The following IFNGR2 variants were observed in gnomAD, a reference collection of about 807,000 sequenced individuals.
The protein encoded by IFNGR2 is IFN-gamma receptor 2.
Under a neutral mutation model 41.1 loss-of-function variants are expected in IFNGR2, and 15 were observed. The observed-to-expected ratio is 0.37, with a 90% CI of 0.24 to 0.56. The LOEUF (loss-of-function observed/expected upper bound fraction) is 0.56. Among genes scored for constraint, IFNGR2 ranks in the 20% least tolerant of loss-of-function variants. IFNGR2 has a pLI of 0.81. For missense variants in IFNGR2, 362 were observed against 415.7 expected, an observed-to-expected ratio of 0.87 and a Z score of 1.12; for synonymous variants, 161 against 171.6, an observed-to-expected ratio of 0.94 and a Z score of 0.48.
intron 1 of IFNGR2, among the ~76,000 whole-genome samples, chr21:33,403,980 G>A (rs2083659822): frequency 6.6e-6 from 1 of 152,158 alleles, no homozygotes; most frequent in African/African-American, 2.4e-5. Context: ...GACACTCGGT[G>A]CCCCTCCGTG....
chr21:33,429,735 G>A (rs1017790444), intron 4 of IFNGR2, among the ~76,000 whole-genome samples: 4 of 152,090 alleles, frequency 2.6e-5, no homozygotes, highest in Non-Finnish European at 1.5e-5. Flanking sequence ...CCAAAATTCC[G>A]ACTCCCAGAA....
chr21:33,413,688 G>A (rs185508236), intron 1 of IFNGR2, among the ~76,000 whole-genome samples: 8 of 151,792 alleles, frequency 5.3e-5, no homozygotes, highest in Admixed American at 3.3e-4. Context: ...CTAGGTCCCC[G>A]AAGGCTCCCT....
chr21:33,429,403 A>G (rs540599133), intron 4 of IFNGR2, among the ~76,000 whole-genome samples: 6 of 152,060 alleles, frequency 3.9e-5, no homozygotes, highest in African/African-American at 7.2e-5. Context: ...CAGTGCCACA[A>G]TCTCGGCTCA....
intron 2 of IFNGR2, among the ~76,000 whole-genome samples, chr21:33,417,078 C>T (rs965713590): frequency 6.6e-6 from 1 of 151,394 alleles, no homozygotes; most frequent in African/African-American, 2.4e-5. Flanking sequence ...CACCACCCCA[C>T]CCGGTTCAGA....
At position 33,403,595 on chromosome 21, in the gene IFNGR2, G is replaced by A; in HGVS notation, c.52G>A (p.Ala18Thr). The change falls in exon 1 of 7, where the codon GCC becomes ACC. Residue 18 changes from alanine to threonine, a missense_variant. Ala to Thr is a moderately conservative substitution (Grantham distance 58, BLOSUM62 0). Transcript: ENST00000290219. ...SLLLLLGVFA[A>T]AAAAPPDPLS... is the part of the protein sequence containing the mutation. ...GCTGCTGCTGCTCGGAGTCTTCGCC[G>A]CCGCCGCCGCGGCCCCGCCAGGTGA... 3.7e-6 allele frequency: 5 copies of A among 1,365,154 alleles called. No homozygotes were observed. Among genetic ancestry groups the A allele is most frequent in the South Asian group, 1.6e-5 (1 of 61,566 alleles). 84.6% of individuals were successfully genotyped at this position (1,365,154 alleles called of 1,614,324 possible).
At chr21:33,404,772 T>G (rs2083665572) in intron 1 of IFNGR2, among the ~76,000 whole-genome samples, 1 of 152,098 alleles carries the variant, frequency 6.6e-6, no homozygotes, top group Non-Finnish European at 1.5e-5. Context: ...CCAGAGAGCT[T>G]CTTACCTGGC....
At chr21:33,410,046 C>T (rs2083705034) in intron 1 of IFNGR2, among the ~76,000 whole-genome samples, 1 of 152,030 alleles carries the variant, frequency 6.6e-6, no homozygotes, top group Non-Finnish European at 1.5e-5. Flanking sequence ...CCAGTAAGTT[C>T]CTTGCCTTCG....
chr21:33,421,990 ACAATGGT>A (rs2083797068), intron 3 of IFNGR2, among the ~76,000 whole-genome samples: 1 of 152,234 alleles, frequency 6.6e-6, no homozygotes, highest in Non-Finnish European at 1.5e-5. Context: ...CTTTCACACT[ACAATGGT>A]AGAGTAGTTG....
At chr21:33,434,000 C>T (rs989698664) in intron 6 of IFNGR2, among the ~76,000 whole-genome samples, 1 of 152,120 alleles carries the variant, frequency 6.6e-6, no homozygotes, top group African/African-American at 2.4e-5. Context: ...GGCCCTAAGG[C>T]AGAGTCAACA....
At chr21:33,408,588 T>C (rs1568949811) in intron 1 of IFNGR2, among the ~76,000 whole-genome samples, 5 of 152,188 alleles carry the variant, frequency 3.3e-5, no homozygotes, top group Non-Finnish European at 7.3e-5. Flanking sequence ...GGCAGAGTTG[T>C]TCATTCACCT....
intron 4 of IFNGR2, among the ~76,000 whole-genome samples, chr21:33,430,187 A>G (rs2083873705): frequency 1.3e-5 from 2 of 152,178 alleles, no homozygotes; most frequent in South Asian, 4.1e-4. Context: ...ATGTCAGCTA[A>G]GGGTTGACCT....
chr21:33,426,790 TATAC>T, intron 3 of IFNGR2, 90 bp from the exon 4 acceptor site: 2 of 659,524 alleles, frequency 3.0e-6, no homozygotes, highest in Non-Finnish European at 2.5e-6. Context: ...TATATATATA[TATAC>T]ATATATATAT....
intron 3 of IFNGR2, among the ~76,000 whole-genome samples, chr21:33,425,188 G>A (rs1470239444): frequency 1.3e-5 from 2 of 152,178 alleles, no homozygotes; most frequent in Non-Finnish European, 2.9e-5. Flanking sequence ...CCAAAGTGCT[G>A]GGATTACAGG....
At chr21:33,403,808 G>A (rs1404573828) in intron 1 of IFNGR2, among the ~76,000 whole-genome samples, 192 bp downstream of exon 1, 2 of 152,156 alleles carry the variant, frequency 1.3e-5, no homozygotes, top group Admixed American at 6.5e-5. Flanking sequence ...TGCCCCAGGT[G>A]GGGGTCTTGC....
At chr21:33,423,348 T>C (rs180803570) in intron 3 of IFNGR2, among the ~76,000 whole-genome samples, 7 of 151,074 alleles carry the variant, frequency 4.6e-5, no homozygotes, top group African/African-American at 1.7e-4. Flanking sequence ...CTATCTTCTC[T>C]CTACTTTCTA....
rs1232308341 is a variant in IFNGR2, at chr21:33,437,453, C to G, written c.*491C>G. ...TGTAATTAATCTTGTAAATATACTC[C>G]TAGTAATTTAAGATTTTGTTTTTAA... On this transcript the variant is annotated 3_prime_UTR_variant, in exon 7 of 7. Coordinates refer to ENST00000290219, the MANE Select transcript of IFNGR2 (RefSeq NM_005534.4). 1 of 155,308 alleles carries G rather than the reference C, an allele frequency of 6.4e-6. No individual in the cohort carries two copies. Among genetic ancestry groups the G allele is most frequent in the African/African-American group, 2.4e-5 (1 of 41,450 alleles). 9.6% of individuals were successfully genotyped at this position (155,308 alleles called of 1,614,324 possible). A position where few individuals can be genotyped will look rare whatever the true frequency, so the allele number is the denominator to read the frequency against.
chr21:33,434,319 C>T (rs993347764), intron 6 of IFNGR2, among the ~76,000 whole-genome samples: 7 of 152,150 alleles, frequency 4.6e-5, no homozygotes, highest in Admixed American at 2.0e-4. Flanking sequence ...GTCAGGAGTT[C>T]GAGACCAGCC....
chr21:33,409,769 A>G (rs1400605053), intron 1 of IFNGR2, among the ~76,000 whole-genome samples: 1 of 152,168 alleles, frequency 6.6e-6, no homozygotes, highest in African/African-American at 2.4e-5. Context: ...GGTCATGCTT[A>G]TATGTGAAAA....
chr21:33,426,773 C>A (rs563502088), intron 3 of IFNGR2, 111 bp from the exon 4 acceptor site: 2 of 578,346 alleles, frequency 3.5e-6, no homozygotes, highest in South Asian at 3.7e-5. Context: ...TATATCTACA[C>A]CCACTATATA....
Sources: allele counts gnomAD v4.1 joint callset (sites outside exome capture counted in the v4.1 genomes callset), GRCh38; gene constraint gnomAD v4.1.1; transcripts MANE v1.5; gene names NCBI Gene and HGNC (gene_info 2026-07-23, HGNC 2026-07-21).